The following VASH1 variants were observed in gnomAD, a reference collection of about 807,000 sequenced individuals.
The protein encoded by VASH1 is tubulinyl-Tyr carboxypeptidase 1.
Under a neutral mutation model 35.0 loss-of-function variants are expected in VASH1, and 16 were observed. The observed-to-expected ratio is 0.46, with a 90% CI of 0.31 to 0.70. The LOEUF (loss-of-function observed/expected upper bound fraction) is 0.70. VASH1 is among the 30% of genes least tolerant of loss of function. VASH1 has a pLI of 0.05. For synonymous variants in VASH1, 214 were observed against 200.9 expected (o/e 1.07, Z -0.55); for missense variants, 505 against 510.7 (o/e 0.99, Z 0.11).
Position 76,771,189 on chromosome 14 carries a change from G to A in VASH1, c.399-1G>A, listed in dbSNP as rs925471243. 6.3e-7 allele frequency: 1 copy of A among 1,595,968 alleles called. No homozygotes were observed. The highest frequency in any genetic ancestry group is 8.5e-7 in the Non-Finnish European group (1 of 1,171,218). ...AGGAAGCCCTTAACCCGTGCCCACA[G>A]GTACAATCACACAGGGACACAGTTC... is the stretch of plus-strand genomic sequence containing the variant. On this transcript the variant is annotated splice_acceptor_variant, in intron 2 of 6. Transcript: ENST00000167106. LOFTEE classifies it high-confidence loss of function.
chr14:76,771,795 C>T (rs1160860290), intron 3 of VASH1, among the ~76,000 whole-genome samples: 2 of 151,882 alleles, frequency 1.3e-5, no homozygotes, highest in Admixed American at 6.6e-5. Context: ...CCCGCCACCC[C>T]GTGTGTAGCC....
chr14:76,761,578 C>T lies in VASH1; in HGVS notation c.-1244C>T, dbSNP rs1893505735. Among the ~76,000 whole-genome samples the T allele has an allele frequency of 6.6e-6, 1 of 151,992 alleles. No individual in the cohort carries two copies. The highest frequency in any genetic ancestry group is 1.5e-5 in the Non-Finnish European group (1 of 67,960). ...CAGCGGCGGCCCCAGCTTCGCCGAGCAGCGATCGGCTGGTGGGCTTCTCGT... is the reference window on the plus strand; with the variant it reads ...CAGCGGCGGCCCCAGCTTCGCCGAGTAGCGATCGGCTGGTGGGCTTCTCGT... On this transcript the variant is annotated 5_prime_UTR_variant, in exon 1 of 7. Transcript: ENST00000167106.
At position 76,779,138 on chromosome 14, in the gene VASH1, A is replaced by G. The variant is rs1894030859; in HGVS notation, c.*120A>G. ...CAAGGCAGGGCAAGAGGCTGCAGGA[A>G]GAGTGTGTTCCAGCTCAGCCCCCCA... On this transcript the variant is annotated 3_prime_UTR_variant, in exon 7 of 7. Transcript: ENST00000167106. The G allele has an allele frequency of 8.7e-7, 1 of 1,149,420 alleles. No homozygotes were observed. Among genetic ancestry groups the G allele is most frequent in the African/African-American group, 1.5e-5 (1 of 66,018 alleles). The allele number at this position is 1,149,420 out of a possible 1,614,324, so 71.2% of individuals were successfully genotyped here. A position where few individuals can be genotyped will look rare whatever the true frequency, so the allele number is the denominator to read the frequency against.
At position 76,776,159 on chromosome 14, in the gene VASH1, C is replaced by G; in HGVS notation, c.798C>G (p.Asp266Glu). ...KVKLGQSVSH[D>E]PHSVEQIEWK... ...AGCTGGGCCAGAGCGTGTCACACGA[C>G]CCGCACAGCGTGGAGCAGATCGAGT... The change falls in exon 5 of 7, where the codon GAC becomes GAG. Residue 266 changes from aspartate (D) to glutamate (E), a missense_variant. Asp to Glu is a conservative substitution (Grantham distance 45, BLOSUM62 2). Transcript: ENST00000167106. 1.2e-6 allele frequency: 2 copies of G among 1,610,756 alleles called. No homozygotes were observed. Among genetic ancestry groups the G allele is most frequent in the Non-Finnish European group, 8.5e-7 (1 of 1,179,788 alleles).
chr14:76,769,276 C>G (rs1287690234), intron 1 of VASH1: 1 of 1,284,648 alleles, frequency 7.8e-7, no homozygotes, highest in Admixed American at 2.3e-5. Flanking sequence ...ACCTGGAAAC[C>G]TGTACTGACT....
chr14:76,763,206 T>C (rs1347179486), intron 1 of VASH1, 76 bp downstream of exon 1: 2 of 1,314,468 alleles, frequency 1.5e-6, no homozygotes, highest in Non-Finnish European at 2.0e-6. Context: ...GAAGCCACAC[T>C]CTCCTCCCAC....
chr14:76,778,565 G>A (rs895618734), intron 6 of VASH1, among the ~76,000 whole-genome samples: 8 of 152,154 alleles, frequency 5.3e-5, no homozygotes, highest in Non-Finnish European at 1.2e-4. Flanking sequence ...CACCTCTCTG[G>A]TATGAATTCA....
At chr14:76,764,759 C>T (rs983716899) in intron 1 of VASH1, among the ~76,000 whole-genome samples, 12 of 150,406 alleles carry the variant, frequency 8.0e-5, no homozygotes, top group Admixed American at 5.3e-4. Context: ...GATCTTGGCT[C>T]ACTGCAGCCT....
At chr14:76,778,906 CCACT>C in intron 6 of VASH1, 36 bp from the exon 7 acceptor site, 1 of 1,601,576 alleles carries the variant, frequency 6.2e-7, no homozygotes, top group Non-Finnish European at 8.6e-7. Context: ...CCCTAACAGA[CCACT>C]CACTCTCCTC....
At position 76,763,081 on chromosome 14, in the gene VASH1, A is replaced by C; in HGVS notation, c.260A>C (p.Asp87Ala). The C allele has an allele frequency of 6.6e-7, 1 of 1,518,244 alleles. No individual in the cohort carries two copies. Among genetic ancestry groups the C allele is most frequent in the Non-Finnish European group, 8.9e-7 (1 of 1,128,322 alleles). The allele number at this position is 1,518,244 out of a possible 1,614,324, so 94.0% of individuals were successfully genotyped here. A position where few individuals can be genotyped will look rare whatever the true frequency, so the allele number is the denominator to read the frequency against. ...MWKHVAKIHP[D>A]GEKVAQRIRG... Reference sequence around the variant, plus strand: ...AAACACGTGGCCAAGATCCACCCCGATGGAGAGAAGGTGGCGCAACGGATC... The same window carrying C: ...AAACACGTGGCCAAGATCCACCCCGCTGGAGAGAAGGTGGCGCAACGGATC... The change falls in exon 1 of 7, where the codon GAT becomes GCT. Residue 87 changes from aspartate to alanine, a missense_variant. Physicochemically the swap from Asp to Ala is moderately radical, Grantham distance 126 (BLOSUM62 -2). Transcript: ENST00000167106.
intron 1 of VASH1, among the ~76,000 whole-genome samples, chr14:76,768,360 C>T (rs1331080434): frequency 6.6e-6 from 1 of 152,186 alleles, no homozygotes; most frequent in Non-Finnish European, 1.5e-5. Flanking sequence ...AAATGGCTCC[C>T]TCCAGACAGA....
chr14:76,773,042 T>A (rs1893835593), intron 3 of VASH1, 95 bp from the exon 4 acceptor site: 1 of 1,239,098 alleles, frequency 8.1e-7, no homozygotes, highest in Non-Finnish European at 1.1e-6. Context: ...CCTCTGTCCT[T>A]CTAGCATTTC....
chr14:76,762,827 A>AG lies in VASH1; in HGVS notation c.12dup (p.Lys5GlufsTer39). 2 of 1,488,084 alleles carry AG rather than the reference A, an allele frequency of 1.3e-6. No homozygotes were observed. Among genetic ancestry groups the AG allele is most frequent in the Non-Finnish European group, 1.8e-6 (2 of 1,119,354 alleles). The allele number at this position is 1,488,084 out of a possible 1,614,324, so 92.2% of individuals were successfully genotyped here. The stretch of plus-strand genomic sequence containing the variant: ...CCCCCCTCGAAGATTTAGGGATGCC[A>AG]GGGGGGAAGAAGGTGGCTGGGGGTG... On this transcript the variant is annotated frameshift_variant, in exon 1 of 7. Transcript: ENST00000167106. LOFTEE classifies it high-confidence loss of function.
At chr14:76,771,030 G>A (rs1478786088) in intron 2 of VASH1, among the ~76,000 whole-genome samples, 160 bp from the exon 3 acceptor site, 1 of 152,228 alleles carries the variant, frequency 6.6e-6, no homozygotes, top group African/African-American at 2.4e-5. Context: ...AGGAGGGTGA[G>A]GGAGAGGGAA....
At chr14:76,777,271 T>C (rs1271140508) in intron 5 of VASH1, among the ~76,000 whole-genome samples, 1 of 152,220 alleles carries the variant, frequency 6.6e-6, no homozygotes, top group Non-Finnish European at 1.5e-5. Context: ...CTTCTGCCCC[T>C]GAGCTGCCGC....
Position 76,762,634 on chromosome 14 carries a change from G to A in VASH1, c.-188G>A. 1 of 456,514 alleles carries A rather than the reference G, an allele frequency of 2.2e-6. No homozygotes were observed. Among genetic ancestry groups the A allele is most frequent in the South Asian group, 1.0e-4 (1 of 9,606 alleles). 28.3% of individuals were successfully genotyped at this position (456,514 alleles called of 1,614,324 possible). On this transcript the variant is annotated 5_prime_UTR_variant, in exon 1 of 7. Coordinates refer to ENST00000167106, the MANE Select transcript of VASH1 (RefSeq NM_014909.5). ...CTGACCCCAGACAACCCACCCCCTC[G>A]GACCCTAATTCACCTTATTGCACTG... is the stretch of plus-strand genomic sequence containing the variant.
rs563568461 is a variant in VASH1 at position 76,780,264 on chromosome 14, G to C, written c.*1246G>C. On this transcript the variant is annotated 3_prime_UTR_variant, in exon 7 of 7. Transcript: ENST00000167106. The stretch of plus-strand genomic sequence containing the variant: ...AGTGCAGCCACTGAGGGACAGCTGG[G>C]AACTGGGGGATGCAAGTGAGAAAGG... 1 of 152,990 alleles carries C rather than the reference G, an allele frequency of 6.5e-6. No homozygotes were observed. Among genetic ancestry groups the C allele is most frequent in the East Asian group, 1.9e-4 (1 of 5,190 alleles). The allele number at this position is 152,990 out of a possible 1,614,324, so 9.5% of individuals were successfully genotyped here.
At chr14:76,771,077 C>A in intron 2 of VASH1, 113 bp from the exon 3 acceptor site, 3 of 883,708 alleles carry the variant, frequency 3.4e-6, no homozygotes, top group Non-Finnish European at 4.9e-6. Flanking sequence ...AGAATTCATG[C>A]TGTGCCCCCA....
Position 76,762,870 on chromosome 14 carries a change from C to G in VASH1, c.49C>G (p.Pro17Ala). 1 of 1,542,804 alleles carries G rather than the reference C, an allele frequency of 6.5e-7. No homozygotes were observed. The highest frequency in any genetic ancestry group is 8.7e-7 in the Non-Finnish European group (1 of 1,143,970). The change falls in exon 1 of 7, where the codon CCA (proline) becomes GCA (alanine). Residue 17 changes from proline (P) to alanine (A), a missense_variant. By Grantham distance (27) the Pro-to-Ala change is conservative. Coordinates refer to ENST00000167106, the MANE Select transcript of VASH1 (RefSeq NM_014909.5). ...VAGGGSSGAT[P>A]TSAAATAPSG... is the part of the protein sequence containing the mutation. ...TGGGGGTGGCAGCAGCGGTGCCACTCCAACGTCCGCTGCGGCCACCGCCCC... is the reference window on the plus strand; with the variant it reads ...TGGGGGTGGCAGCAGCGGTGCCACTGCAACGTCCGCTGCGGCCACCGCCCC...
Sources: allele counts gnomAD v4.1 joint callset (sites outside exome capture counted in the v4.1 genomes callset), GRCh38; gene constraint gnomAD v4.1.1; transcripts MANE v1.5; gene names NCBI Gene and HGNC (gene_info 2026-07-23, HGNC 2026-07-21).